TMEM156: variants seen among roughly 807,000 people sequenced by gnomAD.
TMEM156 encodes the protein transmembrane protein 156.
In TMEM156, 28 loss-of-function variants were observed where a neutral mutation model predicts 30.5. The observed-to-expected ratio is 0.92, with a 90% CI of 0.68 to 1.26. TMEM156 has a LOEUF of 1.26. Among genes scored for constraint, TMEM156 ranks in the 50% most tolerant of loss-of-function variants. The pLI is 0.00. For missense variants in TMEM156, 351 were observed against 340.6 expected (o/e 1.03, Z -0.24); for synonymous variants, 137 against 119.9 (o/e 1.14, Z -0.93).
intron 1 of TMEM156, among the ~76,000 whole-genome samples, chr4:39,010,148 C>CA (rs1050787361): frequency 8.6e-5 from 13 of 151,868 alleles, no homozygotes; most frequent in East Asian, 1.9e-4. Context: ...AAAATAACCA[C>CA]AAAAAAACAT....
rs138023482 is a variant in TMEM156, at chr4:39,017,480, A to G, written c.88+14746T>C. 3.8e-3 allele frequency among the ~76,000 whole-genome samples: 581 copies of G among 152,150 alleles called. 3 individuals carry two copies. Among genetic ancestry groups the G allele is most frequent in the African/African-American group, 0.013 (525 of 41,518 alleles). On this transcript the variant is annotated intron_variant, in intron 1 of 6. Transcript: ENST00000381938. ...AGGTGTGAGCCACCGCACCCAGCCC[A>G]AGTATGTATTTTTATTCCCTGAAAA...
intron 5 of TMEM156, among the ~76,000 whole-genome samples, chr4:38,982,308 G>T (rs770247861): frequency 1.3e-5 from 2 of 152,104 alleles, no homozygotes; most frequent in African/African-American, 4.8e-5. Context: ...TTGTGATTAC[G>T]TGAGTCAATA....
intron 1 of TMEM156, among the ~76,000 whole-genome samples, chr4:39,024,067 G>A (rs913042309): frequency 6.6e-6 from 1 of 151,944 alleles, no homozygotes; most frequent in Non-Finnish European, 1.5e-5. Context: ...ATGGAGTCTC[G>A]CTGTTCCGCC....
chr4:39,008,719 A>T (rs1713908472), intron 1 of TMEM156, among the ~76,000 whole-genome samples: 2 of 152,190 alleles, frequency 1.3e-5, no homozygotes, highest in African/African-American at 4.8e-5. Context: ...GAAACAAATG[A>T]AAATAGAGAA....
intron 1 of TMEM156, among the ~76,000 whole-genome samples, chr4:39,022,190 A>C (rs1178102442): frequency 6.6e-6 from 1 of 152,220 alleles, no homozygotes; most frequent in Non-Finnish European, 1.5e-5. Flanking sequence ...ACAGGTAATG[A>C]TTCTCAACAT....
intron 5 of TMEM156, among the ~76,000 whole-genome samples, chr4:38,975,382 T>C (rs1202484875): frequency 1.9e-5 from 2 of 107,016 alleles, no homozygotes; most frequent in East Asian, 3.0e-4. Context: ...CTTTTTTCTT[T>C]TCTTTTTTTT....
chr4:38,984,343 C>CTGTG (rs1332380845), intron 5 of TMEM156, among the ~76,000 whole-genome samples: 1 of 107,110 alleles, frequency 9.3e-6, no homozygotes, highest in Non-Finnish European at 1.8e-5. Context: ...GTCTCTCTCT[C>CTGTG]TCTCTCTGTG....
At chr4:39,029,886 T>A (rs1167397012) in intron 1 of TMEM156, among the ~76,000 whole-genome samples, 1 of 152,058 alleles carries the variant, frequency 6.6e-6, no homozygotes, top group African/African-American at 2.4e-5. Flanking sequence ...TATTATTATT[T>A]TATTATTATT....
chr4:38,995,937 T>C (rs949523248), intron 2 of TMEM156, among the ~76,000 whole-genome samples: 1 of 152,080 alleles, frequency 6.6e-6, no homozygotes, highest in Admixed American at 6.6e-5. Flanking sequence ...ACACCCAGAC[T>C]AGCCCAGGTA....
At chr4:38,987,912 A>T (rs1480570271) in intron 4 of TMEM156, among the ~76,000 whole-genome samples, 1 of 152,184 alleles carries the variant, frequency 6.6e-6, no homozygotes, top group South Asian at 2.1e-4. Context: ...AGCTACTCAT[A>T]TTATGAATTG....
intron 5 of TMEM156, among the ~76,000 whole-genome samples, chr4:38,973,677 C>T (rs111426098): frequency 0.016 from 2,481 of 152,162 alleles, 27 homozygotes; most frequent in East Asian, 0.057. Flanking sequence ...TTTGAAACTT[C>T]GTATTTCTGA....
At chr4:38,992,762 A>AT (rs202114913) in intron 3 of TMEM156, among the ~76,000 whole-genome samples, 276 of 95,792 alleles carry the variant, frequency 2.9e-3, no homozygotes, top group African/African-American at 0.01. Context: ...ATATATATAT[A>AT]TTTTTTTTTG....
chr4:38,972,845 A>C (rs1722671865), intron 5 of TMEM156, among the ~76,000 whole-genome samples: 1 of 152,130 alleles, frequency 6.6e-6, no homozygotes, highest in Admixed American at 6.6e-5. Context: ...CTTACTCGAT[A>C]AACTGCAAAT....
intron 5 of TMEM156, among the ~76,000 whole-genome samples, chr4:38,983,269 T>G (rs1232052675): frequency 1.3e-5 from 2 of 152,214 alleles, no homozygotes; most frequent in Non-Finnish European, 2.9e-5. Context: ...ATGTCCTCTC[T>G]GCAGTCAGTC....
rs1477985277 is a variant in TMEM156, at chr4:38,967,379, A to G, written c.*301T>C. ...ATAGATTTTTTTTAAGAAGAGAGAG[A>G]GTGGGAATTCTCTTGCTGTTTCCAT... On this transcript the variant is annotated 3_prime_UTR_variant, in exon 7 of 7. Transcript: ENST00000381938. 2.6e-5 allele frequency: 4 copies of G among 152,106 alleles called. No homozygotes were observed. Among genetic ancestry groups the G allele is most frequent in the African/African-American group, 9.7e-5 (4 of 41,412 alleles). The allele number at this position is 152,106 out of a possible 1,614,324, so 9.4% of individuals were successfully genotyped here.
At chr4:38,993,136 G>T (rs947655558) in intron 3 of TMEM156, among the ~76,000 whole-genome samples, 1 of 151,624 alleles carries the variant, frequency 6.6e-6, no homozygotes, top group Admixed American at 6.6e-5. Flanking sequence ...CAGAAAATAG[G>T]CATGTTTCAA....
chr4:39,021,146 T>G (rs754910814), intron 1 of TMEM156, among the ~76,000 whole-genome samples: 5 of 152,204 alleles, frequency 3.3e-5, no homozygotes, highest in Non-Finnish European at 5.9e-5. Flanking sequence ...TTGATGCCAA[T>G]AATCCTAGCA....
intron 1 of TMEM156, among the ~76,000 whole-genome samples, chr4:39,026,709 T>A (rs1428668634): frequency 6.6e-6 from 1 of 152,018 alleles, no homozygotes; most frequent in African/African-American, 2.4e-5. Context: ...GGTGGGTCAC[T>A]TGAGATCAGG....
At chr4:39,015,191 T>A (rs1444610542) in intron 1 of TMEM156, among the ~76,000 whole-genome samples, 1 of 152,238 alleles carries the variant, frequency 6.6e-6, no homozygotes, top group East Asian at 1.9e-4. Flanking sequence ...TCATTTTTTT[T>A]ATTATTCAGT....
Sources: gnomAD v4.1 joint callset for allele counts (sites outside exome capture counted in the v4.1 genomes callset) on GRCh38, gnomAD v4.1.1 for gene constraint, MANE v1.5 for transcripts, NCBI Gene and HGNC (gene_info 2026-07-23, HGNC 2026-07-21) for gene names.